HNRNPUL1: variants seen among roughly 807,000 people sequenced by gnomAD.
HNRNPUL1 encodes heterogeneous nuclear ribonucleoprotein U like 1.
In HNRNPUL1, 14 loss-of-function variants were observed where a neutral mutation model predicts 108.5. The ratio of observed to expected loss-of-function variants is 0.13; its 90% CI spans 0.09 to 0.20. HNRNPUL1 has a LOEUF of 0.20. Ranked by LOEUF, HNRNPUL1 falls within the 10% of genes least tolerant of loss-of-function variation. The pLI, the probability that HNRNPUL1 is intolerant of heterozygous loss-of-function variation, is 1.00. For synonymous variants in HNRNPUL1, 422 were observed against 445.2 expected (o/e 0.95, Z 0.66); for missense variants, 804 against 1,168.3 (o/e 0.69, Z 4.55).
upstream of HNRNPUL1, chr19:41,263,040 C>CAAAAAAAAAAAAAAAAAA (rs761873641): frequency 1.7e-5 from 1 of 59,214 alleles, no homozygotes; most frequent in Non-Finnish European, 3.2e-5. Flanking sequence ...GACTCCGTCT[C>CAAAAAAAAAAAAAAAAAA]AAAAAAAAAA....
Position 41,291,545 on chromosome 19 carries a change from C to T in HNRNPUL1, c.1000-700C>T, listed in dbSNP as rs563708889. On this transcript the variant is annotated intron_variant, in intron 7 of 14. Coordinates refer to ENST00000392006, the MANE Select transcript of HNRNPUL1 (RefSeq NM_007040.6). ...CTCCTGGCCTCAAGCATCCTCCTGC[C>T]TTGGCTGCTCAAAGTGATGGGATTA... Among the ~76,000 whole-genome samples the T allele has an allele frequency of 3.7e-4, 56 of 152,288 alleles. 2 individuals carry two copies. The South Asian group carries it at 9.9e-3, about 27-fold the overall frequency.
At chr19:41,306,155 C>T (rs1338066586) in intron 14 of HNRNPUL1, among the ~76,000 whole-genome samples, 1 of 152,204 alleles carries the variant, frequency 6.6e-6, no homozygotes, top group Non-Finnish European at 1.5e-5. Context: ...GGCTCCAAAT[C>T]CTGCTGCAGG....
intron 10 of HNRNPUL1, among the ~76,000 whole-genome samples, chr19:41,299,668 A>C (rs2037091224): frequency 6.6e-6 from 1 of 152,092 alleles, no homozygotes; most frequent in East Asian, 1.9e-4. Flanking sequence ...AGGAAATTTG[A>C]GACTCAGGCT....
At chr19:41,276,791 A>G (rs16975124) in intron 5 of HNRNPUL1, 10,342 of 153,630 alleles carry the variant, frequency 0.067, 963 homozygotes, top group African/African-American at 0.2. Flanking sequence ...CAGCACAGAA[A>G]AGTACAGGAT....
In HNRNPUL1 at chr19:41,268,063, C is replaced by T. The variant is rs1175615766; in HGVS notation, c.296-160C>T. The stretch of plus-strand genomic sequence containing the variant: ...GGGCAAGCTTGTCTTCAGCTGTATC[C>T]CAGGCTCTGGAGTATAGTATGCATG... On this transcript the variant is annotated intron_variant, in intron 1 of 14. Coordinates refer to ENST00000392006, the MANE Select transcript of HNRNPUL1 (RefSeq NM_007040.6). The T allele has an allele frequency of 3.3e-5, 20 of 604,442 alleles. 1 individual carries two copies. In the East Asian group the frequency reaches 6.6e-4, roughly 20 times the overall value. 37.4% of individuals were successfully genotyped at this position (604,442 alleles called of 1,614,324 possible).
chr19:41,289,523 A>G (rs2036455197), intron 7 of HNRNPUL1, among the ~76,000 whole-genome samples: 1 of 152,082 alleles, frequency 6.6e-6, no homozygotes, highest in Non-Finnish European at 1.5e-5. Flanking sequence ...TAGGCCTGGG[A>G]CTGACACAGG....
intron 7 of HNRNPUL1, among the ~76,000 whole-genome samples, chr19:41,290,959 T>C (rs948167038): frequency 6.6e-6 from 1 of 152,132 alleles, no homozygotes; most frequent in Non-Finnish European, 1.5e-5. Flanking sequence ...GGCAGGAGAA[T>C]CGCTTGAACC....
In HNRNPUL1 at chr19:41,301,616, C is replaced by T. The variant is rs1166148979; in HGVS notation, c.1599C>T (p.Pro533=). The stretch of plus-strand genomic sequence containing the variant: ...AGCGCAAAGCTATTGTAATTTGTCC[C>T]ACTGACGAGGACCTAAAAGACCGAA... The part of the protein sequence containing the change: ...GFQRKAIVIC[P]TDEDLKDRTI... The change falls in exon 11 of 15, where the codon CCC becomes CCT. Residue 533 remains proline (P), a synonymous_variant. Transcript: ENST00000392006. The T allele has an allele frequency of 2.5e-5, 41 of 1,614,022 alleles. No homozygotes were observed. The highest frequency in any genetic ancestry group is 3.4e-5 in the Non-Finnish European group (40 of 1,180,010).
intron 3 of HNRNPUL1, among the ~76,000 whole-genome samples, chr19:41,273,241 G>A (rs1220781508): frequency 1.3e-5 from 2 of 152,132 alleles, no homozygotes; most frequent in Non-Finnish European, 2.9e-5. Flanking sequence ...GCCCTGGCCT[G>A]GCGAGGCCAG....
At chr19:41,271,763 C>T (rs2035254398) in intron 2 of HNRNPUL1, among the ~76,000 whole-genome samples, 1 of 152,200 alleles carries the variant, frequency 6.6e-6, no homozygotes, top group African/African-American at 2.4e-5. Flanking sequence ...TGCAGGACCA[C>T]AGTACCCTGT....
rs760852808 is a variant in HNRNPUL1, at chr19:41,281,219, C to T, written c.943C>T (p.Arg315Trp). 4.3e-6 allele frequency: 7 copies of T among 1,614,008 alleles called. No homozygotes were observed. The highest frequency in any genetic ancestry group is 2.7e-5 in the African/African-American group (2 of 74,918). The change falls in exon 7 of 15, where the codon CGG (arginine) becomes TGG (tryptophan). Residue 315 changes from arginine to tryptophan, a missense_variant. By Grantham distance (101) the Arg-to-Trp change is moderately radical. Transcript: ENST00000392006. Reference sequence around the variant, plus strand: ...CACTGGGAAGAAGTCCACCAATAGCCGGTTTGAAAACTACGGAGACAAGTT... The same window carrying T: ...CACTGGGAAGAAGTCCACCAATAGCTGGTTTGAAAACTACGGAGACAAGTT... Reference protein sequence around the residue: ...GGTGKKSTNSRFENYGDKFAE... With the variant: ...GGTGKKSTNSWFENYGDKFAE...
intron 4 of HNRNPUL1, among the ~76,000 whole-genome samples, chr19:41,275,815 C>T (rs1446406118): frequency 6.6e-6 from 1 of 152,096 alleles, no homozygotes; most frequent in Non-Finnish European, 1.5e-5. Flanking sequence ...TCTAAAACAT[C>T]AGCCAGGCCG....
intron 13 of HNRNPUL1, 80 bp downstream of exon 13, chr19:41,304,341 T>C: frequency 2.0e-6 from 3 of 1,524,184 alleles, no homozygotes; most frequent in East Asian, 4.6e-5. Context: ...GAGGCGGATC[T>C]GGGGAAATCA....
intron 10 of HNRNPUL1, chr19:41,299,056 C>T (rs1266283230): frequency 1.3e-5 from 2 of 152,280 alleles, no homozygotes; most frequent in East Asian, 3.9e-4. Flanking sequence ...TGACCAGATG[C>T]CACGTTCTGC....
rs557632287 is a variant in HNRNPUL1, at chr19:41,305,051, G to T, written c.2263-625G>T. On this transcript the variant is annotated intron_variant, in intron 13 of 14. Coordinates refer to ENST00000392006, the MANE Select transcript of HNRNPUL1 (RefSeq NM_007040.6). ...GTAGAAGTCCCTTCCAAGGTTTGTT[G>T]TGAGGAATGGGTGGCACTATAGCTC... 4.5e-4 allele frequency among the ~76,000 whole-genome samples: 69 copies of T among 152,332 alleles called. 1 individual carries two copies. Among genetic ancestry groups the T allele is most frequent in the Middle Eastern group, 3.4e-3 (1 of 294 alleles).
chr19:41,284,484 G>A (rs930520320), intron 7 of HNRNPUL1, among the ~76,000 whole-genome samples: 2 of 151,324 alleles, frequency 1.3e-5, no homozygotes, highest in Non-Finnish European at 2.9e-5. Context: ...TGGGCATCAT[G>A]GTGAAAACAA....
Position 41,268,267 on chromosome 19 carries a change from C to G in HNRNPUL1, c.340C>G (p.Gln114Glu). Residue 114 changes from glutamine to glutamate, a missense_variant, in exon 2 of 15, where the codon CAA becomes GAA. Physicochemically the swap from Gln to Glu is conservative, Grantham distance 29. Transcript: ENST00000392006. ...ITRQNQFYDT[Q>E]VIKQENESGY... ...CAGGCAGAACCAATTCTACGATACC[C>G]AAGTCATCAAACAAGAAAACGAGTC... 1 of 1,613,976 alleles carries G rather than the reference C, an allele frequency of 6.2e-7. No homozygotes were observed. The highest frequency in any genetic ancestry group is 8.5e-7 in the Non-Finnish European group (1 of 1,179,952).
chr19:41,287,374 T>C (rs561597311), intron 7 of HNRNPUL1, among the ~76,000 whole-genome samples: 2 of 152,278 alleles, frequency 1.3e-5, no homozygotes, highest in African/African-American at 4.8e-5. Flanking sequence ...CTTGATATAA[T>C]GCTATTATCT....
At position 41,304,025 on chromosome 19, in the gene HNRNPUL1, A is replaced by C. The variant is rs756178578; in HGVS notation, c.2026A>C (p.Asn676His). Reference sequence around the variant, plus strand: ...TAGCCAGAACCGCTGGGGTAACAACAACCGGGATAACAACAACTCCAACAA... The same window carrying C: ...TAGCCAGAACCGCTGGGGTAACAACCACCGGGATAACAACAACTCCAACAA... ...GYSQNRWGNN[N>H]RDNNNSNNRG... The change falls in exon 13 of 15, where the codon AAC (asparagine) becomes CAC (histidine). Residue 676 changes from asparagine (N) to histidine (H), a missense_variant. This residue lies in a region of HNRNPUL1 where 294 missense variants were observed against 388.3 expected (regional missense o/e 0.76). Transcript: ENST00000392006. 1.5e-5 allele frequency: 24 copies of C among 1,613,966 alleles called. No homozygotes were observed. The African/African-American group carries it at 2.1e-4, about 14-fold the overall frequency.
Sources: allele counts gnomAD v4.1 joint callset (sites outside exome capture counted in the v4.1 genomes callset), GRCh38; gene constraint gnomAD v4.1.1; regional missense constraint gnomAD v4.1.1; transcripts MANE v1.5; gene names NCBI Gene and HGNC (gene_info 2026-07-23, HGNC 2026-07-21).